KHDRBS2: variants seen among roughly 807,000 people sequenced by gnomAD.
The protein encoded by KHDRBS2 is KH RNA binding domain containing, signal transduction associated 2, also known as KH domain-containing, RNA-binding, signal transduction-associated protein 2.
KHDRBS2 carries 26 observed loss-of-function variants against 44.3 expected under a neutral mutation model. The ratio of observed to expected loss-of-function variants is 0.59; its 90% confidence interval spans 0.43 to 0.81. KHDRBS2 has a LOEUF of 0.81. Ranked by LOEUF, KHDRBS2 falls within the 40% of genes least tolerant of loss-of-function variation. The pLI, the probability that KHDRBS2 is intolerant of heterozygous loss-of-function variation, is 0.00. For synonymous variants in KHDRBS2, 194 were observed against 151.1 expected, an observed-to-expected ratio of 1.28 and a Z score of -2.08; for missense variants, 476 against 433.1, an observed-to-expected ratio of 1.10 and a Z score of -0.88.
At chr6:61,980,457 G>T (rs925827225) in intron 3 of KHDRBS2, among the ~76,000 whole-genome samples, 6 of 152,052 alleles carry the variant, frequency 3.9e-5, no homozygotes, top group Admixed American at 3.9e-4. Flanking sequence ...CTCTTATATT[G>T]CATTGATATG....
the KHDRBS2 span, among the ~76,000 whole-genome samples, chr6:61,564,310 T>C: frequency 6.6e-6 from 1 of 152,108 alleles, no homozygotes; most frequent in Non-Finnish European, 1.5e-5. Context: ...TTCAGAAACC[T>C]TAATATTCAA....
At chr6:62,157,460 T>C (rs1816707227) in intron 2 of KHDRBS2, among the ~76,000 whole-genome samples, 1 of 152,220 alleles carries the variant, frequency 6.6e-6, no homozygotes, top group South Asian at 2.1e-4. Flanking sequence ...CTTGCTCTCC[T>C]TTAGTTAGCA....
intron 6 of KHDRBS2, among the ~76,000 whole-genome samples, chr6:61,893,011 A>G (rs992911567): frequency 6.4e-4 from 98 of 152,304 alleles, no homozygotes; most frequent in African/African-American, 2.3e-3. Flanking sequence ...CATCTGACTA[A>G]GGGCTAATAT....
At position 62,102,424 on chromosome 6, in the gene KHDRBS2, C is replaced by A. The variant is rs538092220; in HGVS notation, c.220-54430G>T. ...AATGGCACCCAAAACCTCAGAGACA[C>A]CAGGGATTGCAGAGCCCCAAAGAGG... On this transcript the variant is annotated intron_variant, in intron 2 of 8. Coordinates refer to ENST00000281156, the MANE Select transcript of KHDRBS2 (RefSeq NM_152688.4). 3.1e-4 allele frequency among the ~76,000 whole-genome samples: 47 copies of A among 152,266 alleles called. No individual in the cohort carries two copies. In the South Asian group the frequency reaches 9.7e-3, roughly 32 times the overall value.
At position 62,065,706 on chromosome 6, in the gene KHDRBS2, C is replaced by G. The variant is rs980253923; in HGVS notation, c.220-17712G>C. On this transcript the variant is annotated intron_variant, in intron 2 of 8. Coordinates refer to ENST00000281156, the MANE Select transcript of KHDRBS2 (RefSeq NM_152688.4). ...CTAGATGACGAGTTAGTGGGTGCAG[C>G]GCACCAGCATGGCACATGTATACAT... 1.1e-4 allele frequency among the ~76,000 whole-genome samples: 17 copies of G among 147,962 alleles called. No individual in the cohort carries two copies. The East Asian group carries it at 2.6e-3, about 23-fold the overall frequency.
At chr6:61,665,576 A>T in the KHDRBS2 span, among the ~76,000 whole-genome samples, 1 of 151,366 alleles carries the variant, frequency 6.6e-6, no homozygotes, top group African/African-American at 2.4e-5. Context: ...GAAGGTTGGT[A>T]AGTATATGAT....
Position 62,122,901 on chromosome 6 carries a change from C to T in KHDRBS2, c.219+54284G>A, listed in dbSNP as rs1260138615. Among the ~76,000 whole-genome samples the T allele has an allele frequency of 1.5e-4, 23 of 150,412 alleles. 2 individuals carry two copies. Among genetic ancestry groups the T allele is most frequent in the Non-Finnish European group, 2.2e-4 (15 of 67,670 alleles). On this transcript the variant is annotated intron_variant, in intron 2 of 8. Transcript: ENST00000281156. ...TTTATTTTATTTATTTACTTTTTGA[C>T]GTTTTTTAATAAATTATACTTTAAG...
intron 2 of KHDRBS2, among the ~76,000 whole-genome samples, chr6:62,126,713 A>G (rs1300030688): frequency 2.0e-5 from 3 of 152,242 alleles, no homozygotes; most frequent in Non-Finnish European, 4.4e-5. Context: ...TATATTTTCT[A>G]TGAAAGGCTT....
chr6:62,169,962 G>C (rs1255953620), intron 2 of KHDRBS2, among the ~76,000 whole-genome samples: 2 of 151,542 alleles, frequency 1.3e-5, no homozygotes, highest in Non-Finnish European at 2.9e-5. Context: ...CTTGAACTCA[G>C]CTAGCAGGTA....
At chr6:61,642,665 A>G in the KHDRBS2 span, among the ~76,000 whole-genome samples, 1 of 151,484 alleles carries the variant, frequency 6.6e-6, no homozygotes, top group Non-Finnish European at 1.5e-5. Context: ...CACATCAAAA[A>G]AAAAAAAAAG....
chr6:61,895,042 CACTG>C (rs1470005277), intron 5 of KHDRBS2, among the ~76,000 whole-genome samples: 4 of 150,806 alleles, frequency 2.7e-5, no homozygotes, highest in African/African-American at 7.3e-5. Context: ...TAATTGTAAA[CACTG>C]ACTATGATTA....
In KHDRBS2 at chr6:61,732,771, C is replaced by T. The variant is rs1225396394; in HGVS notation, c.811-7G>A. On this transcript the variant is annotated splice_region_variant and splice_polypyrimidine_tract_variant and intron_variant, in intron 6 of 8. Transcript: ENST00000281156. ...CGTAGCCATCATCATAACCCTGAGA[C>T]AAAAAAATGGTAGAAACACCTGTTA... 2.0e-6 allele frequency: 3 copies of T among 1,530,384 alleles called. No individual in the cohort carries two copies. Among genetic ancestry groups the T allele is most frequent in the South Asian group, 2.3e-5 (2 of 88,788 alleles). The allele number at this position is 1,530,384 out of a possible 1,614,324, so 94.8% of individuals were successfully genotyped here.
chr6:61,669,524 T>C, the KHDRBS2 span, among the ~76,000 whole-genome samples: 2 of 150,912 alleles, frequency 1.3e-5, no homozygotes, highest in Admixed American at 1.3e-4. Context: ...TTTAAGGTGT[T>C]TAAATGTTAA....
chr6:62,246,102 T>TATA (rs1835498957), intron 1 of KHDRBS2, among the ~76,000 whole-genome samples: 10 of 124,352 alleles, frequency 8.0e-5, no homozygotes, highest in East Asian at 2.4e-4. Context: ...TCAATCAATT[T>TATA]TATATATATA....
chr6:61,768,313 T>A (rs544361273), intron 6 of KHDRBS2, among the ~76,000 whole-genome samples: 1 of 152,214 alleles, frequency 6.6e-6, no homozygotes, highest in East Asian at 1.9e-4. Flanking sequence ...GGAGTTTGAT[T>A]TTTAAGTGTC....
At chr6:61,789,803 T>C (rs1162783371) in intron 6 of KHDRBS2, among the ~76,000 whole-genome samples, 2 of 151,622 alleles carry the variant, frequency 1.3e-5, no homozygotes, top group Non-Finnish European at 3.0e-5. Flanking sequence ...TGTATACTGG[T>C]AACAAGTGAA....
chr6:62,080,616 CT>C (rs974296041), intron 2 of KHDRBS2, among the ~76,000 whole-genome samples: 2 of 152,016 alleles, frequency 1.3e-5, no homozygotes, highest in African/African-American at 4.8e-5. Context: ...GGATTGAAGA[CT>C]TTATATGTTA....
intron 2 of KHDRBS2, among the ~76,000 whole-genome samples, chr6:62,160,472 A>G (rs1817387498): frequency 6.6e-6 from 1 of 152,172 alleles, no homozygotes; most frequent in Non-Finnish European, 1.5e-5. Flanking sequence ...TGAATAAACA[A>G]GGCAACTTAG....
the KHDRBS2 span, among the ~76,000 whole-genome samples, chr6:61,667,777 C>T: frequency 2.6e-5 from 4 of 151,162 alleles, no homozygotes; most frequent in South Asian, 8.3e-4. Context: ...TAGTCACAGG[C>T]TAGCATTACT....
Sources: allele counts gnomAD v4.1 joint callset (sites outside exome capture counted in the v4.1 genomes callset), GRCh38; gene constraint gnomAD v4.1.1; transcripts MANE v1.5; gene names NCBI Gene and HGNC (gene_info 2026-07-23, HGNC 2026-07-21).